The following TMEM132A variants were observed in gnomAD, a reference collection of about 807,000 sequenced individuals.
TMEM132A encodes the protein GRP78-binding protein.
TMEM132A carries 48 observed loss-of-function variants against 69.9 expected under a neutral mutation model. The ratio of observed to expected loss-of-function variants is 0.69; its 90% CI spans 0.55 to 0.87. The LOEUF (loss-of-function observed/expected upper bound fraction) is 0.87, where lower values mean the gene tolerates loss of function less well. Ranked by LOEUF, TMEM132A falls within the 40% of genes least tolerant of loss-of-function variation. The pLI is 0.00. For synonymous variants in TMEM132A, 577 were observed against 613.7 expected (o/e 0.94, Z 0.88); for missense variants, 1,287 against 1,407.2 (o/e 0.91, Z 1.37).
chr11:60,932,710 T>C (rs1325067595), intron 7 of TMEM132A: 1 of 152,218 alleles, frequency 6.6e-6, no homozygotes, highest in Non-Finnish European at 1.5e-5. Flanking sequence ...TTCCTCTATC[T>C]TGAAGTTCTA....
chr11:60,935,452 T>TG lies in TMEM132A; in HGVS notation c.2028+15dup. 2.5e-6 allele frequency: 4 copies of TG among 1,592,704 alleles called. No individual in the cohort carries two copies. The highest frequency in any genetic ancestry group is 2.3e-5 in the East Asian group (1 of 44,172). On this transcript the variant is annotated intron_variant, in intron 10 of 10. Transcript: ENST00000453848. This position sits in a 1 kb window ranked among gnomAD's most constrained non-coding sequence, Gnocchi z 5.0. ...TTCCCGCCCCAAAGCAGGTGACAGTTGGGGGGTCAGGGGGATGAGGTCAAC... is the reference window on the plus strand; with the variant it reads ...TTCCCGCCCCAAAGCAGGTGACAGTTGGGGGGGTCAGGGGGATGAGGTCAAC...
rs1565124516 is a variant in TMEM132A, at chr11:60,936,782, G to T, written c.2947G>T (p.Ala983Ser). Residue 983 changes from alanine to serine, a missense_variant, in exon 11 of 11, where the codon GCC becomes TCC. Coordinates refer to ENST00000453848, the MANE Select transcript of TMEM132A (RefSeq NM_178031.3). ...PAQSPEEPVG[A>S]PAVQSILVAG... ...CCAGTCACCTGAGGAGCCTGTAGGG[G>T]CCCCTGCTGTGCAGTCCATCCTTGT... The T allele has an allele frequency of 6.2e-7, 1 of 1,613,278 alleles. No individual in the cohort carries two copies. The highest frequency in any genetic ancestry group is 1.1e-5 in the South Asian group (1 of 90,996).
At chr11:60,934,819 C>A in intron 9 of TMEM132A, 55 bp downstream of exon 9, 1 of 1,517,968 alleles carries the variant, frequency 6.6e-7, no homozygotes, top group Non-Finnish European at 8.8e-7. Context: ...GAGGGGCCCC[C>A]AAAATGTTCG....
At chr11:60,927,976 G>A (rs1163457699) in intron 3 of TMEM132A, 117 bp downstream of exon 3, 63 of 839,362 alleles carry the variant, frequency 7.5e-5, no homozygotes, top group Non-Finnish European at 9.9e-5. Flanking sequence ...TGGACCACCC[G>A]ACTCCATTTC....
chr11:60,929,020 A>G, intron 4 of TMEM132A, 60 bp downstream of exon 4: 1 of 1,554,000 alleles, frequency 6.4e-7, no homozygotes, highest in Non-Finnish European at 8.8e-7. Context: ...GACTAGGGAC[A>G]GGTACCTGCT....
In TMEM132A at chr11:60,935,129, G is replaced by C. The variant is rs544323049; in HGVS notation, c.1837-123G>C. 49 of 903,828 alleles carry C rather than the reference G, an allele frequency of 5.4e-5. No homozygotes were observed. The highest frequency in any genetic ancestry group is 7.2e-5 in the Non-Finnish European group (43 of 595,174). The allele number at this position is 903,828 out of a possible 1,614,324, so 56.0% of individuals were successfully genotyped here. ...GGTTCCCTCTGGGTGGGGGCTGTCC[G>C]TGGCGAAGACCTCCCCCACCTCCGG... On this transcript the variant is annotated intron_variant, in intron 9 of 10. Coordinates refer to ENST00000453848, the MANE Select transcript of TMEM132A (RefSeq NM_178031.3). The surrounding 1 kb of genome is among the most constrained non-coding windows in gnomAD (Gnocchi z 5.0).
Position 60,935,699 on chromosome 11 carries a change from A to C in TMEM132A, c.2029-165A>C. The C allele has an allele frequency of 4.5e-6, 4 of 886,202 alleles. No homozygotes were observed. The South Asian group carries it at 5.0e-5, about 11-fold the overall frequency. The allele number at this position is 886,202 out of a possible 1,614,324, so 54.9% of individuals were successfully genotyped here. On this transcript the variant is annotated intron_variant, in intron 10 of 10. Coordinates refer to ENST00000453848, the MANE Select transcript of TMEM132A (RefSeq NM_178031.3). The surrounding 1 kb of genome is among the most constrained non-coding windows in gnomAD (Gnocchi z 5.0). Reference sequence around the variant, plus strand: ...CAGACCCTAGGGCTGAGTGGCAGACAGGTGATTGACACGCGTCCCCTCTCT... The same window carrying C: ...CAGACCCTAGGGCTGAGTGGCAGACCGGTGATTGACACGCGTCCCCTCTCT...
chr11:60,933,174 C>CT (rs11291748), intron 7 of TMEM132A: 447 of 167,372 alleles, frequency 2.7e-3, no homozygotes, highest in African/African-American at 5.4e-3. Context: ...TGGCCCATGC[C>CT]TTTTTTTTTT....
intron 9 of TMEM132A, 113 bp downstream of exon 9, chr11:60,934,877 T>C: frequency 1.7e-6 from 2 of 1,155,316 alleles, no homozygotes; most frequent in Non-Finnish European, 1.2e-6. Context: ...TGTGGGGGAG[T>C]TGTGCGGTCT....
At position 60,928,959 on chromosome 11, in the gene TMEM132A, C is replaced by A; in HGVS notation, c.865C>A (p.Arg289=). 1 of 1,611,928 alleles carries A rather than the reference C, an allele frequency of 6.2e-7. No homozygotes were observed. The highest frequency in any genetic ancestry group is 8.5e-7 in the Non-Finnish European group (1 of 1,179,974). The change falls in exon 4 of 11, where the codon CGG becomes AGG. Residue 289 remains arginine, a splice_region_variant and synonymous_variant. Transcript: ENST00000453848. ...CTTCACAGCCAGCCTCCTGACCCTGCGGTGAGCACCAGGCCACGGGGATGG... is the reference window on the plus strand; with the variant it reads ...CTTCACAGCCAGCCTCCTGACCCTGAGGTGAGCACCAGGCCACGGGGATGG... ...HNFTASLLTL[R]IKVKKGLHVT...
At position 60,934,581 on chromosome 11, in the gene TMEM132A, C is replaced by T. The variant is rs942201094; in HGVS notation, c.1653C>T (p.Leu551=). ...ACCAGCGGGCCGGTGTGCGCTTCCTCGCCCCCTTCGCGGCCCACCCGCTGG... is the reference window on the plus strand; with the variant it reads ...ACCAGCGGGCCGGTGTGCGCTTCCTTGCCCCCTTCGCGGCCCACCCGCTGG... ...LQYQRAGVRF[L]APFAAHPLDG... is the part of the protein sequence containing the mutation. Residue 551 remains leucine, a synonymous_variant, in exon 9 of 11, where the codon CTC becomes CTT. Coordinates refer to ENST00000453848, the MANE Select transcript of TMEM132A (RefSeq NM_178031.3). 27 of 1,553,754 alleles carry T rather than the reference C, an allele frequency of 1.7e-5. No homozygotes were observed. The highest frequency in any genetic ancestry group is 2.2e-4 in the Middle Eastern group (1 of 4,558).
rs774876744 is a variant in TMEM132A, at chr11:60,928,756, C to G, written c.662C>G (p.Ser221Cys). 26 of 1,608,792 alleles carry G rather than the reference C, an allele frequency of 1.6e-5. No homozygotes were observed. The highest frequency in any genetic ancestry group is 1.7e-4 in the Middle Eastern group (1 of 6,046). The change falls in exon 4 of 11, where the codon TCC becomes TGC. Residue 221 changes from serine to cysteine, a missense_variant. Coordinates refer to ENST00000453848, the MANE Select transcript of TMEM132A (RefSeq NM_178031.3). Reference sequence around the variant, plus strand: ...GCTGAGGGCCCTGGGGGCTGTGGCTCCGGCGAGGAGAACGACCCTGGGGAG... The same window carrying G: ...GCTGAGGGCCCTGGGGGCTGTGGCTGCGGCGAGGAGAACGACCCTGGGGAG... ...PAAEGPGGCGSGEENDPGEQA... is the reference protein window; with the variant it reads ...PAAEGPGGCGCGEENDPGEQA...
In TMEM132A at chr11:60,935,593, C is replaced by A; in HGVS notation, c.2028+150C>A. 1 of 915,342 alleles carries A rather than the reference C, an allele frequency of 1.1e-6. No homozygotes were observed. The highest frequency in any genetic ancestry group is 1.6e-6 in the Non-Finnish European group (1 of 616,918). 56.7% of individuals were successfully genotyped at this position (915,342 alleles called of 1,614,324 possible). A position where few individuals can be genotyped will look rare whatever the true frequency, so the allele number is the denominator to read the frequency against. On this transcript the variant is annotated intron_variant, in intron 10 of 10. Transcript: ENST00000453848. The surrounding 1 kb of genome is among the most constrained non-coding windows in gnomAD (Gnocchi z 5.0). The stretch of plus-strand genomic sequence containing the variant: ...CTGTGAGGTAGTGAGCTCTCTGCAG[C>A]TGGAGGTGATCAAGCAGTGGCTGGA...
Position 60,934,784 on chromosome 11 carries a change from G to T in TMEM132A, c.1836+20G>T. The T allele has an allele frequency of 6.3e-7, 1 of 1,582,846 alleles. No individual in the cohort carries two copies. On this transcript the variant is annotated intron_variant, in intron 9 of 10. Transcript: ENST00000453848. Reference sequence around the variant, plus strand: ...ATTGAGGTAAGCAGCTGGGGACCAGGAGAGTAGACCCCCTGAGAAGGGTGG... The same window carrying T: ...ATTGAGGTAAGCAGCTGGGGACCAGTAGAGTAGACCCCCTGAGAAGGGTGG...
Position 60,928,964 on chromosome 11 carries a change from A to G in TMEM132A, c.866+4A>G. 3.1e-6 allele frequency: 5 copies of G among 1,611,858 alleles called. No homozygotes were observed. Among genetic ancestry groups the G allele is most frequent in the Non-Finnish European group, 4.2e-6 (5 of 1,179,982 alleles). On this transcript the variant is annotated splice_donor_region_variant and intron_variant, in intron 4 of 10. Transcript: ENST00000453848. ...CAGCCAGCCTCCTGACCCTGCGGTG[A>G]GCACCAGGCCACGGGGATGGGTGAG...
chr11:60,930,370 C>G, intron 4 of TMEM132A, 140 bp from the exon 5 acceptor site: 4 of 1,029,258 alleles, frequency 3.9e-6, no homozygotes, highest in Non-Finnish European at 5.5e-6. Context: ...CGGGGTCCTT[C>G]TGGGTTGGAG....
At chr11:60,934,444 G>A (rs1170329275) in intron 8 of TMEM132A, 44 bp from the exon 9 acceptor site, 11 of 1,334,886 alleles carry the variant, frequency 8.2e-6, no homozygotes, top group Non-Finnish European at 1.1e-5. Flanking sequence ...GCAGGCTGGG[G>A]CCGCTCAGCG....
rs1448486882 is a variant in TMEM132A at position 60,934,759 on chromosome 11, A to G, written c.1831A>G (p.Ile611Val). The change falls in exon 9 of 11, where the codon ATT (isoleucine) becomes GTT (valine). Residue 611 changes from isoleucine to valine, a missense_variant. Ile to Val is a conservative substitution (Grantham distance 29). Transcript: ENST00000453848. ...GGGCCGGGAGCCCGGTGTCACCTCC[A>G]TTGAGGTAAGCAGCTGGGGACCAGG... ...VVGREPGVTS[I>V]EVRSPLSDSI... The G allele has an allele frequency of 6.3e-7, 1 of 1,598,998 alleles. No homozygotes were observed. Among genetic ancestry groups the G allele is most frequent in the East Asian group, 2.3e-5 (1 of 44,398 alleles).
chr11:60,927,171 C>G (rs776992501), intron 1 of TMEM132A, 33 bp from the exon 2 acceptor site: 1 of 1,586,482 alleles, frequency 6.3e-7, no homozygotes, highest in Admixed American at 1.7e-5. Flanking sequence ...AGCTCTGGAG[C>G]TGTCATCATC....
Sources: gnomAD v4.1 joint callset for allele counts on GRCh38, gnomAD v4.1.1 for gene constraint, Gnocchi (gnomAD v3.1) non-coding constraint, MANE v1.5 for transcripts, NCBI Gene and HGNC (gene_info 2026-07-23, HGNC 2026-07-21) for gene names.